ADAMTS2: variants seen among roughly 807,000 people sequenced by gnomAD.
The protein encoded by ADAMTS2 is ADAM metallopeptidase with thrombospondin type 1 motif 2, also known as A disintegrin and metalloproteinase with thrombospondin motifs 2.
Under a neutral mutation model 123.0 loss-of-function variants are expected in ADAMTS2, and 50 were observed. The observed-to-expected ratio is 0.41, with a 90% CI of 0.32 to 0.51. The LOEUF is 0.51. Among genes scored for constraint, ADAMTS2 ranks in the 20% least tolerant of loss-of-function variants. The pLI, the probability that ADAMTS2 is intolerant of heterozygous loss-of-function variation, is 0.35. For missense variants in ADAMTS2, 1,494 were observed against 1,705.2 expected (o/e 0.88, Z 2.18); for synonymous variants, 678 against 695.4 (o/e 0.98, Z 0.39).
At chr5:179,270,352 T>G (rs759682237) in intron 3 of ADAMTS2, among the ~76,000 whole-genome samples, 16 of 152,064 alleles carry the variant, frequency 1.1e-4, no homozygotes, top group Non-Finnish European at 2.2e-4. Context: ...TGTGTCACCT[T>G]CCCCGGCAGA....
chr5:179,166,909 C>T (rs1220759340), intron 5 of ADAMTS2, among the ~76,000 whole-genome samples: 3 of 152,196 alleles, frequency 2.0e-5, no homozygotes, highest in African/African-American at 7.2e-5. Flanking sequence ...GCAGCGAACG[C>T]GGCCAGAGGA....
chr5:179,204,166 G>C (rs1024942575), intron 4 of ADAMTS2, among the ~76,000 whole-genome samples: 6 of 152,210 alleles, frequency 3.9e-5, no homozygotes, highest in Non-Finnish European at 7.3e-5. Context: ...ACAGAAAGTG[G>C]AGTGGTGGGT....
intron 5 of ADAMTS2, among the ~76,000 whole-genome samples, chr5:179,168,669 T>G (rs1763759123): frequency 6.6e-6 from 1 of 152,130 alleles, no homozygotes; most frequent in African/African-American, 2.4e-5. Context: ...GGCCCCATGA[T>G]GTTAAATTGC....
intron 7 of ADAMTS2, 139 bp from the exon 8 acceptor site, chr5:179,154,331 G>T: frequency 8.0e-7 from 1 of 1,243,148 alleles, no homozygotes; most frequent in Non-Finnish European, 1.1e-6. Flanking sequence ...GGGTGGCACC[G>T]ACCATCTACC....
intron 5 of ADAMTS2, among the ~76,000 whole-genome samples, chr5:179,166,850 C>T (rs75811258): frequency 0.017 from 2,580 of 152,314 alleles, 63 homozygotes; most frequent in East Asian, 0.1. Context: ...TAGCCCCACT[C>T]CTCCCTTCAC....
In ADAMTS2 at chr5:179,262,235, G is replaced by A. The variant is rs1035469219; in HGVS notation, c.688+10676C>T. On this transcript the variant is annotated intron_variant, in intron 3 of 21. Coordinates refer to ENST00000251582, the MANE Select transcript of ADAMTS2 (RefSeq NM_014244.5). The surrounding 1 kb of genome is among the most constrained non-coding windows in gnomAD (Gnocchi z 5.9). ...GCCACCCCCACCAGCACACCTGCCCGGCCAGCCTCAGGCCACCAGCCAGCC... is the reference window on the plus strand; with the variant it reads ...GCCACCCCCACCAGCACACCTGCCCAGCCAGCCTCAGGCCACCAGCCAGCC... 2.6e-5 allele frequency among the ~76,000 whole-genome samples: 4 copies of A among 151,452 alleles called. No homozygotes were observed. The highest frequency in any genetic ancestry group is 2.1e-4 in the South Asian group (1 of 4,782).
chr5:179,222,410 C>T (rs1289671891), intron 3 of ADAMTS2, among the ~76,000 whole-genome samples: 1 of 152,178 alleles, frequency 6.6e-6, no homozygotes, highest in Non-Finnish European at 1.5e-5. Context: ...GGGCAGGTGG[C>T]AGGGATGCAC....
intron 2 of ADAMTS2, among the ~76,000 whole-genome samples, chr5:179,328,251 C>T (rs1052021196): frequency 6.6e-6 from 1 of 152,248 alleles, no homozygotes; most frequent in African/African-American, 2.4e-5. Context: ...CCAGGATGGT[C>T]TCGATTTCCT....
chr5:179,295,548 C>T (rs1014490899), intron 2 of ADAMTS2, among the ~76,000 whole-genome samples: 1 of 152,200 alleles, frequency 6.6e-6, no homozygotes, highest in Admixed American at 6.5e-5. Flanking sequence ...CCAGGCAGCC[C>T]TCACTCTCAT....
At chr5:179,206,245 T>C (rs1284634971) in intron 4 of ADAMTS2, among the ~76,000 whole-genome samples, 8 of 152,068 alleles carry the variant, frequency 5.3e-5, no homozygotes, top group Non-Finnish European at 1.2e-4. Flanking sequence ...AGCATGAAGG[T>C]GGTGTCTCTG....
intron 5 of ADAMTS2, among the ~76,000 whole-genome samples, chr5:179,167,620 C>G (rs543572918): frequency 6.6e-6 from 1 of 152,272 alleles, no homozygotes; most frequent in East Asian, 1.9e-4. Flanking sequence ...CTGGGCAAGG[C>G]GCACTCAGCC....
intron 2 of ADAMTS2, among the ~76,000 whole-genome samples, chr5:179,318,430 G>T (rs573055904): frequency 6.6e-6 from 1 of 151,968 alleles, no homozygotes; most frequent in Non-Finnish European, 1.5e-5. Flanking sequence ...GGGCGGGGCG[G>T]GGACAGCCAG....
At chr5:179,268,821 C>A (rs987723816) in intron 3 of ADAMTS2, among the ~76,000 whole-genome samples, 1 of 152,190 alleles carries the variant, frequency 6.6e-6, no homozygotes, top group Non-Finnish European at 1.5e-5. Context: ...TCCGCGTGAC[C>A]CAGACGGGCG....
chr5:179,210,018 T>G (rs544400426), intron 3 of ADAMTS2, among the ~76,000 whole-genome samples: 1 of 152,318 alleles, frequency 6.6e-6, no homozygotes, highest in South Asian at 2.1e-4. Flanking sequence ...CGTGGTGCCA[T>G]CTGGTTGATA....
rs545503982 is a variant in ADAMTS2, at chr5:179,207,004, C to T, written c.891+509G>A. Among the ~76,000 whole-genome samples, 17 of 152,262 alleles carry T rather than the reference C, an allele frequency of 1.1e-4. No homozygotes were observed. The South Asian group carries it at 1.2e-3, about 11-fold the overall frequency. ...GGGCCCTGGGTTGGTGTCTGGCCCT[C>T]GCTCTAATGCACGTGAATCTCTACT... On this transcript the variant is annotated intron_variant, in intron 4 of 21. Transcript: ENST00000251582.
intron 17 of ADAMTS2, 115 bp downstream of exon 17, chr5:179,127,844 G>T: frequency 5.6e-6 from 8 of 1,430,776 alleles, no homozygotes; most frequent in Non-Finnish European, 7.8e-6. Context: ...CCAGGCAAAG[G>T]TCCCTGCTGT....
At chr5:179,302,939 G>A (rs1428806117) in intron 2 of ADAMTS2, among the ~76,000 whole-genome samples, 5 of 151,026 alleles carry the variant, frequency 3.3e-5, no homozygotes, top group Non-Finnish European at 7.4e-5. Flanking sequence ...GCGGGGGCGA[G>A]GGACAGGAGG....
At chr5:179,205,969 C>T (rs1482906884) in intron 4 of ADAMTS2, among the ~76,000 whole-genome samples, 1 of 152,082 alleles carries the variant, frequency 6.6e-6, no homozygotes, top group Non-Finnish European at 1.5e-5. Flanking sequence ...GACGGGGTTT[C>T]ACCGTGGTCT....
chr5:179,261,700 G>A (rs1363754819), intron 3 of ADAMTS2, among the ~76,000 whole-genome samples: 1 of 152,206 alleles, frequency 6.6e-6, no homozygotes, highest in Non-Finnish European at 1.5e-5. Flanking sequence ...GGGTGGACAG[G>A]AAGGCTCTGC....
Sources: allele counts gnomAD v4.1 joint callset (sites outside exome capture counted in the v4.1 genomes callset), GRCh38; gene constraint gnomAD v4.1.1; non-coding constraint Gnocchi (gnomAD v3.1); transcripts MANE v1.5; gene names NCBI Gene and HGNC (gene_info 2026-07-23, HGNC 2026-07-21).